Variants in MTAP observed in about 807,000 individuals in gnomAD.
MTAP encodes the protein methylthioadenosine phosphorylase, also known as S-methyl-5'-thioadenosine phosphorylase.
In MTAP, 33 loss-of-function variants were observed where a neutral mutation model predicts 33.6. That is an observed-to-expected ratio of 0.98 (90% CI 0.74 to 1.31). The LOEUF (loss-of-function observed/expected upper bound fraction) is 1.31, where lower values mean the gene tolerates loss of function less well. Ranked by LOEUF, MTAP falls within the 40% of genes most tolerant of loss-of-function variation. MTAP has a pLI of 0.00. For synonymous variants in MTAP, 148 were observed against 125.7 expected (o/e 1.18, Z -1.19); for missense variants, 367 against 360.0 (o/e 1.02, Z -0.16).
intron 1 of MTAP, among the ~76,000 whole-genome samples, chr9:21,895,525 G>A (rs541516581): frequency 2.6e-5 from 4 of 152,304 alleles, no homozygotes; most frequent in African/African-American, 7.2e-5. Flanking sequence ...CACCTCACCC[G>A]GGAAATGCCA....
At chr9:21,824,755 A>C (rs112766964) in intron 4 of MTAP, among the ~76,000 whole-genome samples, 1,972 of 152,278 alleles carry the variant, frequency 0.013, 35 homozygotes, top group African/African-American at 0.045. Flanking sequence ...CCACCCAGTT[A>C]GAGCTTCCCA....
chr9:21,870,979 C>T (rs1290805396), downstream of MTAP, among the ~76,000 whole-genome samples: 1 of 151,890 alleles, frequency 6.6e-6, no homozygotes, highest in Admixed American at 6.6e-5. Flanking sequence ...CCATGTTGGC[C>T]AGGCTGGTCT....
chr9:21,804,311 A>G (rs1337588382), intron 1 of MTAP, among the ~76,000 whole-genome samples: 4 of 152,324 alleles, frequency 2.6e-5, no homozygotes, highest in Admixed American at 2.6e-4. Flanking sequence ...GCAGGAATAC[A>G]CTTCAAGCGC....
chr9:21,808,492 G>A (rs781476231), intron 1 of MTAP, among the ~76,000 whole-genome samples: 4 of 151,608 alleles, frequency 2.6e-5, no homozygotes, highest in Non-Finnish European at 4.4e-5. Flanking sequence ...TGGGGGCTGA[G>A]GTAGGAGGGT....
chr9:21,846,870 G>T (rs60813761), intron 5 of MTAP, among the ~76,000 whole-genome samples: 1 of 152,138 alleles, frequency 6.6e-6, no homozygotes, highest in Admixed American at 6.5e-5. Context: ...AGAAAATATG[G>T]TATATATACA....
intron 5 of MTAP, among the ~76,000 whole-genome samples, chr9:21,841,204 A>G (rs528948748): frequency 6.6e-6 from 1 of 152,270 alleles, no homozygotes; most frequent in African/African-American, 2.4e-5. Flanking sequence ...TGCCCTGCCT[A>G]TTGCCTGGGA....
chr9:21,834,889 A>G (rs750030494), intron 4 of MTAP, among the ~76,000 whole-genome samples: 26 of 152,138 alleles, frequency 1.7e-4, no homozygotes, highest in Admixed American at 1.5e-3. Flanking sequence ...ATCGCAGTCT[A>G]TTGGGAGGTA....
At chr9:21,879,591 A>G (rs1294556483) in intron 1 of MTAP, among the ~76,000 whole-genome samples, 1 of 152,012 alleles carries the variant, frequency 6.6e-6, no homozygotes, top group African/African-American at 2.4e-5. Flanking sequence ...TGATCCTGTC[A>G]TTGTGTTGTT....
At chr9:21,853,793 A>G (rs1052865842) in intron 5 of MTAP, among the ~76,000 whole-genome samples, 2 of 152,166 alleles carry the variant, frequency 1.3e-5, no homozygotes, top group African/African-American at 2.4e-5. Context: ...ATTATTCTCA[A>G]TTTACACTTG....
intron 1 of MTAP, among the ~76,000 whole-genome samples, chr9:21,927,040 A>G (rs1329199634): frequency 6.6e-6 from 1 of 152,220 alleles, no homozygotes; most frequent in African/African-American, 2.4e-5. Context: ...GGGACTCATC[A>G]GGACCCACTT....
At chr9:21,811,549 CAT>C (rs1295018346) in intron 1 of MTAP, 6 of 351,454 alleles carry the variant, frequency 1.7e-5, no homozygotes, top group Non-Finnish European at 3.4e-5. Context: ...ACATGGCTGT[CAT>C]AGAACAGATT....
intron 4 of MTAP, among the ~76,000 whole-genome samples, 189 bp from the exon 5 acceptor site, chr9:21,837,719 C>T (rs1825145101): frequency 6.6e-6 from 1 of 152,030 alleles, no homozygotes; most frequent in African/African-American, 2.4e-5. Flanking sequence ...GCTGCCAGCC[C>T]AGAGCCAAAA....
intron 4 of MTAP, among the ~76,000 whole-genome samples, chr9:21,825,261 T>G (rs1824762288): frequency 6.6e-6 from 1 of 152,216 alleles, no homozygotes. Context: ...CCACATTTTC[T>G]TTATCTGTTC....
At chr9:21,850,714 T>C (rs1825489612) in intron 5 of MTAP, among the ~76,000 whole-genome samples, 1 of 152,218 alleles carries the variant, frequency 6.6e-6, no homozygotes, top group African/African-American at 2.4e-5. Context: ...AAGTGAACTT[T>C]TGACTATGGG....
intron 1 of MTAP, among the ~76,000 whole-genome samples, chr9:21,926,057 T>G (rs1269916935): frequency 6.6e-6 from 1 of 152,176 alleles, no homozygotes; most frequent in Admixed American, 6.5e-5. Flanking sequence ...TTAGTTAACC[T>G]TTTCCAAATG....
Position 21,863,648 on chromosome 9 carries a change from T to A in MTAP, c.*1634T>A. 2.0e-6 allele frequency: 2 copies of A among 985,856 alleles called. No individual in the cohort carries two copies. Among genetic ancestry groups the A allele is most frequent in the Non-Finnish European group, 2.4e-6 (2 of 830,012 alleles). 61.1% of individuals were successfully genotyped at this position (985,856 alleles called of 1,614,324 possible). ...AAAAAAAAAAAAAAGAGTGAAATGC[T>A]TTTTGTTTGCTTCAGTTTTTTATCA... On this transcript the variant is annotated 3_prime_UTR_variant, in exon 8 of 8. Transcript: ENST00000644715.
chr9:21,822,079 A>G (rs543506662), intron 4 of MTAP, among the ~76,000 whole-genome samples: 35 of 152,256 alleles, frequency 2.3e-4, no homozygotes, highest in Admixed American at 1.8e-3. Context: ...TCAGAAAACC[A>G]ACTCCTGGAT....
intron 1 of MTAP, among the ~76,000 whole-genome samples, chr9:21,915,867 C>T (rs544149093): frequency 6.6e-6 from 1 of 151,888 alleles, no homozygotes; most frequent in South Asian, 2.1e-4. Flanking sequence ...CTCTATGTCT[C>T]TACAAAAAAA....
chr9:21,905,381 C>T lies in MTAP; in HGVS notation c.148-25627C>T, dbSNP rs115717317. The stretch of plus-strand genomic sequence containing the variant: ...ATGGGGGGCGTGGCATTTCCCTGCC[C>T]CCCTCCCTGTATCAAATAGACTGCA... On this transcript the variant is annotated intron_variant, in intron 1 of 1. Coordinates refer to the MTAP transcript ENST00000577563. 8.7e-3 allele frequency among the ~76,000 whole-genome samples: 1,323 copies of T among 151,834 alleles called. 16 individuals are homozygous for T. The highest frequency in any genetic ancestry group is 0.03 in the African/African-American group (1,238 of 41,380).
Sources: allele counts gnomAD v4.1 joint callset (sites outside exome capture counted in the v4.1 genomes callset), GRCh38; gene constraint gnomAD v4.1.1; transcripts MANE v1.5; gene names NCBI Gene and HGNC (gene_info 2026-07-23, HGNC 2026-07-21).